TRPC4: variants seen among roughly 807,000 people sequenced by gnomAD.
TRPC4 encodes the protein transient receptor potential cation channel subfamily C member 4.
Under a neutral mutation model 99.4 loss-of-function variants are expected in TRPC4, and 49 were observed. That is an observed-to-expected ratio of 0.49 (90% CI 0.39 to 0.63). The LOEUF is 0.63. Ranked by LOEUF, TRPC4 falls within the 20% of genes least tolerant of loss-of-function variation. The pLI, the probability that TRPC4 is intolerant of heterozygous loss-of-function variation, is 0.00. For synonymous variants in TRPC4, 454 were observed against 425.9 expected, an observed-to-expected ratio of 1.07 and a Z score of -0.81; for missense variants, 898 against 1,152.9, an observed-to-expected ratio of 0.78 and a Z score of 3.20.
chr13:37,735,511 C>T (rs1323987860), intron 3 of TRPC4, among the ~76,000 whole-genome samples: 1 of 152,092 alleles, frequency 6.6e-6, no homozygotes, highest in African/African-American at 2.4e-5. Context: ...ATTTGTACAA[C>T]AGAAACAAGA....
chr13:37,651,503 A>G (rs1273122142), intron 7 of TRPC4, 44 bp from the exon 8 acceptor site: 1 of 1,537,194 alleles, frequency 6.5e-7, no homozygotes, highest in East Asian at 2.3e-5. Flanking sequence ...TCCTTAATTA[A>G]CAAGGTACCA....
rs1951431864 is a variant in TRPC4 at position 37,633,263 on chromosome 13, A to C, written c.*3640T>G. 6.6e-6 allele frequency among the ~76,000 whole-genome samples: 1 copy of C among 152,160 alleles called. No individual in the cohort carries two copies. The highest frequency in any genetic ancestry group is 2.4e-5 in the African/African-American group (1 of 41,452). ...TAGTTTTAAGTCAGAATTTCAGATA[A>C]TACAGAGAAAGAAAAATATATTGTA... On this transcript the variant is annotated 3_prime_UTR_variant, in exon 11 of 11. Coordinates refer to ENST00000379705, the MANE Select transcript of TRPC4 (RefSeq NM_016179.4).
intron 1 of TRPC4, among the ~76,000 whole-genome samples, chr13:37,842,020 A>G (rs1958742932): frequency 6.6e-6 from 1 of 152,112 alleles, no homozygotes; most frequent in African/African-American, 2.4e-5. Flanking sequence ...CTGTAACCCC[A>G]GCACTTTGGG....
intron 3 of TRPC4, among the ~76,000 whole-genome samples, chr13:37,739,504 A>ATTT (rs34228089): frequency 2.2e-5 from 3 of 133,792 alleles, no homozygotes; most frequent in African/African-American, 8.7e-5. Flanking sequence ...AAAGCATGAG[A>ATTT]TTTTTTTTTT....
At chr13:37,670,581 A>G (rs1952805288) in intron 5 of TRPC4, among the ~76,000 whole-genome samples, 1 of 152,216 alleles carries the variant, frequency 6.6e-6, no homozygotes. Flanking sequence ...ACTAAATCAC[A>G]TATCTTCCAG....
At chr13:37,712,283 T>G (rs1026903995) in intron 3 of TRPC4, among the ~76,000 whole-genome samples, 3 of 152,152 alleles carry the variant, frequency 2.0e-5, no homozygotes, top group Non-Finnish European at 4.4e-5. Context: ...CAATGCTACA[T>G]AGTACAGGGG....
intron 1 of TRPC4, among the ~76,000 whole-genome samples, chr13:37,845,445 G>A (rs1390668512): frequency 6.6e-6 from 1 of 151,934 alleles, no homozygotes; most frequent in East Asian, 1.9e-4. Context: ...TGAGAAGCTT[G>A]CAAAGAAACA....
chr13:37,863,105 T>C (rs1304520128), intron 1 of TRPC4, among the ~76,000 whole-genome samples: 1 of 151,510 alleles, frequency 6.6e-6, no homozygotes, highest in Non-Finnish European at 1.5e-5. Flanking sequence ...AGCTCTACCA[T>C]CTAGGTTTGT....
At chr13:37,753,173 T>G (rs1955984675) in intron 2 of TRPC4, among the ~76,000 whole-genome samples, 1 of 151,958 alleles carries the variant, frequency 6.6e-6, no homozygotes, top group Admixed American at 6.6e-5. Flanking sequence ...TGTAAAACAG[T>G]TATAAGAAAA....
At chr13:37,852,795 C>A (rs1959092491) in intron 1 of TRPC4, among the ~76,000 whole-genome samples, 1 of 152,106 alleles carries the variant, frequency 6.6e-6, no homozygotes. Flanking sequence ...AACTCTTGGG[C>A]ATTAAGTGAA....
intron 3 of TRPC4, among the ~76,000 whole-genome samples, chr13:37,742,107 G>A (rs1955610759): frequency 6.6e-6 from 1 of 152,082 alleles, no homozygotes; most frequent in African/African-American, 2.4e-5. Context: ...CATTAGCCTA[G>A]AATTAATAGA....
chr13:37,846,882 A>G (rs1958921022), intron 1 of TRPC4, among the ~76,000 whole-genome samples: 1 of 152,084 alleles, frequency 6.6e-6, no homozygotes, highest in Non-Finnish European at 1.5e-5. Flanking sequence ...TATTTCCCAC[A>G]AATGGAAATT....
At chr13:37,679,939 C>G (rs149721727) in intron 4 of TRPC4, among the ~76,000 whole-genome samples, 5 of 152,274 alleles carry the variant, frequency 3.3e-5, no homozygotes, top group African/African-American at 1.2e-4. Flanking sequence ...ACCTATGGTG[C>G]TTTCTCCTAC....
intron 1 of TRPC4, among the ~76,000 whole-genome samples, chr13:37,842,864 G>T (rs1233220861): frequency 6.6e-6 from 1 of 152,296 alleles, no homozygotes; most frequent in Admixed American, 6.5e-5. Context: ...GGAACGAAAA[G>T]AGTAAGGATG....
At chr13:37,792,886 A>C (rs1272256541) in intron 1 of TRPC4, among the ~76,000 whole-genome samples, 1 of 152,154 alleles carries the variant, frequency 6.6e-6, no homozygotes, top group African/African-American at 2.4e-5. Context: ...GATTATTGCA[A>C]ATGTAAGAAA....
chr13:37,805,169 AT>A (rs937368083), intron 1 of TRPC4, among the ~76,000 whole-genome samples: 11 of 151,812 alleles, frequency 7.2e-5, no homozygotes, highest in African/African-American at 2.2e-4. Context: ...GTTTTATACT[AT>A]TTTTTTATAT....
At chr13:37,729,661 GA>G (rs1386803660) in intron 3 of TRPC4, among the ~76,000 whole-genome samples, 1 of 152,090 alleles carries the variant, frequency 6.6e-6, no homozygotes, top group Non-Finnish European at 1.5e-5. Context: ...CATTAAAAAG[GA>G]AGGAAAAATC....
chr13:37,727,063 C>A (rs1466571826), intron 3 of TRPC4, among the ~76,000 whole-genome samples: 1 of 151,978 alleles, frequency 6.6e-6, no homozygotes, highest in Non-Finnish European at 1.5e-5. Flanking sequence ...AGGACCTGGG[C>A]AACACAATAA....
chr13:37,835,304 A>G (rs992585263), intron 1 of TRPC4, among the ~76,000 whole-genome samples: 1 of 152,122 alleles, frequency 6.6e-6, no homozygotes, highest in Non-Finnish European at 1.5e-5. Flanking sequence ...TTCATTGTAA[A>G]ATATGACCTA....
Sources: gnomAD v4.1 joint callset for allele counts (sites outside exome capture counted in the v4.1 genomes callset) on GRCh38, gnomAD v4.1.1 for gene constraint, MANE v1.5 for transcripts, NCBI Gene and HGNC (gene_info 2026-07-23, HGNC 2026-07-21) for gene names.